KCNH7: variants seen among roughly 807,000 people sequenced by gnomAD.
KCNH7 encodes the protein potassium voltage-gated channel subfamily H member 7, also known as voltage-gated inwardly rectifying potassium channel KCNH7.
A neutral mutation model predicts 120.8 loss-of-function variants in KCNH7; 49 were observed. The ratio of observed to expected loss-of-function variants is 0.41; its 90% CI spans 0.32 to 0.51. KCNH7 has a LOEUF of 0.51. KCNH7 is among the 20% of genes least tolerant of loss of function. The pLI is 0.38. For synonymous variants in KCNH7, 547 were observed against 516.1 expected (o/e 1.06, Z -0.81); for missense variants, 1,097 against 1,446.6 (o/e 0.76, Z 3.92).
At chr2:162,389,014 G>A (rs1221212068) in intron 12 of KCNH7, among the ~76,000 whole-genome samples, 2 of 151,862 alleles carry the variant, frequency 1.3e-5, no homozygotes, top group African/African-American at 2.4e-5. Context: ...AAGGGTTCTT[G>A]TTTGTCATCA....
chr2:162,668,749 T>A (rs1559073053), intron 2 of KCNH7, among the ~76,000 whole-genome samples: 1 of 152,136 alleles, frequency 6.6e-6, no homozygotes, highest in Non-Finnish European at 1.5e-5. Flanking sequence ...ATGGAATCTT[T>A]ACAATTTCAA....
intron 13 of KCNH7, 113 bp from the exon 14 acceptor site, chr2:162,380,134 G>T: frequency 7.8e-7 from 1 of 1,275,144 alleles, no homozygotes; most frequent in Non-Finnish European, 1.1e-6. Flanking sequence ...CTGAGAGACA[G>T]AGAACCAAAA....
intron 6 of KCNH7, among the ~76,000 whole-genome samples, chr2:162,495,014 C>G (rs1430220115): frequency 6.6e-6 from 1 of 152,126 alleles, no homozygotes; most frequent in Non-Finnish European, 1.5e-5. Context: ...AGCTATACTC[C>G]TGTGAACAAA....
chr2:162,413,666 G>T (rs950480262), intron 9 of KCNH7, among the ~76,000 whole-genome samples: 1 of 151,698 alleles, frequency 6.6e-6, no homozygotes, highest in Non-Finnish European at 1.5e-5. Flanking sequence ...ATACCAAATC[G>T]TATAAAAAAA....
rs545946642 is a variant in KCNH7 at position 162,425,204 on chromosome 2, TC to T, written c.1955-1670del. Among the ~76,000 whole-genome samples the T allele has an allele frequency of 4.6e-5, 7 of 152,206 alleles. No individual in the cohort carries two copies. The South Asian group carries it at 1.5e-3, about 32-fold the overall frequency. On this transcript the variant is annotated intron_variant, in intron 8 of 15. Transcript: ENST00000332142. ...TCTAGACCCAGTTACTGAGTACAGA[TC>T]TTGAGACTTTTCAGCCTCTATAACT...
chr2:162,497,603 G>A (rs1690537961), intron 6 of KCNH7, among the ~76,000 whole-genome samples: 1 of 152,088 alleles, frequency 6.6e-6, no homozygotes, highest in African/African-American at 2.4e-5. Flanking sequence ...ATCATAAAGA[G>A]GATATATTTT....
chr2:162,374,128 T>C (rs766813023), intron 14 of KCNH7, among the ~76,000 whole-genome samples: 65 of 152,256 alleles, frequency 4.3e-4, no homozygotes, highest in Admixed American at 7.2e-4. Flanking sequence ...TTAACACTTT[T>C]TAACCTTACC....
intron 6 of KCNH7, among the ~76,000 whole-genome samples, chr2:162,470,271 T>TGCCC (rs1689464980): frequency 6.7e-6 from 1 of 149,514 alleles, no homozygotes; most frequent in Non-Finnish European, 1.5e-5. Context: ...GGAGCGTCTC[T>TGCCC]GCCCGCCCGC....
chr2:162,825,515 G>A (rs1685250231), intron 2 of KCNH7, among the ~76,000 whole-genome samples: 1 of 151,780 alleles, frequency 6.6e-6, no homozygotes, highest in South Asian at 2.1e-4. Context: ...GTTATAATTT[G>A]ACAAGAGATT....
At chr2:162,797,923 G>A (rs575429002) in intron 2 of KCNH7, 10 of 152,182 alleles carry the variant, frequency 6.6e-5, no homozygotes, top group South Asian at 4.1e-4. Flanking sequence ...TGAGTTGTGC[G>A]TATGCTTATA....
intron 9 of KCNH7, among the ~76,000 whole-genome samples, chr2:162,401,425 A>T (rs1687061258): frequency 2.0e-5 from 3 of 151,906 alleles, no homozygotes; most frequent in African/African-American, 7.2e-5. Context: ...AGTGCAATTT[A>T]CAGTGCAATG....
chr2:162,411,670 A>C (rs569022795), intron 9 of KCNH7, among the ~76,000 whole-genome samples: 1 of 152,168 alleles, frequency 6.6e-6, no homozygotes, highest in East Asian at 1.9e-4. Context: ...GATTCATTTC[A>C]TGAGTGCAAG....
At chr2:162,794,727 C>T (rs1684077220) in intron 2 of KCNH7, among the ~76,000 whole-genome samples, 1 of 151,938 alleles carries the variant, frequency 6.6e-6, no homozygotes, top group African/African-American at 2.4e-5. Context: ...GCTTACTAAG[C>T]CAATTTTTAT....
intron 2 of KCNH7, among the ~76,000 whole-genome samples, chr2:162,632,824 A>C (rs1406286594): frequency 6.6e-6 from 1 of 151,886 alleles, no homozygotes; most frequent in African/African-American, 2.4e-5. Flanking sequence ...CTGTACTAAC[A>C]AATAAATTTT....
intron 2 of KCNH7, among the ~76,000 whole-genome samples, chr2:162,780,989 T>C (rs1683459508): frequency 6.6e-6 from 1 of 152,126 alleles, no homozygotes; most frequent in Non-Finnish European, 1.5e-5. Context: ...CTATTGTATA[T>C]ATCCAAATAT....
At chr2:162,824,693 G>A (rs1260325601) in intron 2 of KCNH7, among the ~76,000 whole-genome samples, 6 of 151,946 alleles carry the variant, frequency 3.9e-5, no homozygotes, top group East Asian at 1.9e-4. Context: ...CTTTCCTCAC[G>A]TATCATATGT....
chr2:162,565,285 A>G (rs1485971), intron 2 of KCNH7, among the ~76,000 whole-genome samples: 78,585 of 151,874 alleles, frequency 0.52, 20,576 homozygotes, highest in Middle Eastern at 0.62. Flanking sequence ...TCACTTGTTT[A>G]GCAACAATGC....
intron 6 of KCNH7, among the ~76,000 whole-genome samples, chr2:162,482,853 G>C (rs76126928): frequency 0.011 from 1,671 of 152,208 alleles, 25 homozygotes; most frequent in African/African-American, 0.039. Context: ...AAAACTGAAA[G>C]TGTATACTTA....
intron 2 of KCNH7, among the ~76,000 whole-genome samples, chr2:162,762,933 C>T (rs1370047416): frequency 6.6e-6 from 1 of 151,928 alleles, no homozygotes; most frequent in Non-Finnish European, 1.5e-5. Context: ...TTAAGCAGTT[C>T]TTTAAAATTG....
Sources: gnomAD v4.1 joint callset for allele counts (sites outside exome capture counted in the v4.1 genomes callset) on GRCh38, gnomAD v4.1.1 for gene constraint, MANE v1.5 for transcripts, NCBI Gene and HGNC (gene_info 2026-07-23, HGNC 2026-07-21) for gene names.